The following PCDHGB7 variants were observed in gnomAD, a reference collection of about 807,000 sequenced individuals.
PCDHGB7 encodes the protein protocadherin gamma-B7.
PCDHGB7 carries 37 observed loss-of-function variants against 61.4 expected under a neutral mutation model. The observed-to-expected ratio is 0.60, with a 90% CI of 0.46 to 0.79. The LOEUF is 0.79. Ranked by LOEUF, PCDHGB7 falls within the 30% of genes least tolerant of loss-of-function variation. The pLI is 0.00. For synonymous variants in PCDHGB7, 464 were observed against 503.5 expected, an observed-to-expected ratio of 0.92 and a Z score of 1.05; for missense variants, 1,166 against 1,202.5, an observed-to-expected ratio of 0.97 and a Z score of 0.45.
chr5:141,451,165 A>G (rs2098709571), intron 1 of PCDHGB7, among the ~76,000 whole-genome samples: 1 of 152,116 alleles, frequency 6.6e-6, no homozygotes, highest in Admixed American at 6.6e-5. Context: ...TTTTGGTAGT[A>G]TATTATTTAG....
chr5:141,431,016 C>A lies in PCDHGB7; in HGVS notation c.2415+10742C>A, dbSNP rs755015257. 4 of 1,613,456 alleles carry A rather than the reference C, an allele frequency of 2.5e-6. No individual in the cohort carries two copies. Among genetic ancestry groups the A allele is most frequent in the East Asian group, 2.2e-5 (1 of 44,860 alleles). ...AATCCGCGCAGCGGCAGCTTGGTCA[C>A]GGCGGGCAGGATAGACCGGGAGGAG... is the stretch of plus-strand genomic sequence containing the variant. On this transcript the variant is annotated intron_variant, in intron 1 of 3. Coordinates refer to ENST00000398594, the MANE Select transcript of PCDHGB7 (RefSeq NM_018927.4). The surrounding 1 kb of genome is among the most constrained non-coding windows in gnomAD (Gnocchi z 4.8).
chr5:141,484,000 G>C (rs1425172275), intron 1 of PCDHGB7, among the ~76,000 whole-genome samples: 1 of 147,812 alleles, frequency 6.8e-6, no homozygotes, highest in Admixed American at 6.8e-5. Context: ...TGGGAGGTCT[G>C]GATGAGGGTG....
intron 1 of PCDHGB7, chr5:141,423,553 T>G: frequency 2.5e-6 from 4 of 1,613,548 alleles, no homozygotes; most frequent in Non-Finnish European, 3.4e-6. Flanking sequence ...CCAGCCCAAC[T>G]ATGGGGACAC....
intron 3 of PCDHGB7, among the ~76,000 whole-genome samples, chr5:141,509,622 T>C (rs2099877603): frequency 6.6e-6 from 1 of 152,186 alleles, no homozygotes; most frequent in Non-Finnish European, 1.5e-5. Flanking sequence ...AACAAGTTCC[T>C]GGGTGATGCT....
chr5:141,456,968 A>AAAACAAAC (rs202005606), intron 1 of PCDHGB7, among the ~76,000 whole-genome samples: 1 of 152,282 alleles, frequency 6.6e-6, no homozygotes, highest in Admixed American at 6.5e-5. Flanking sequence ...ATCTCAAAAC[A>AAAACAAAC]AAACAAACAA....
chr5:141,450,490 T>C (rs1480357834), intron 1 of PCDHGB7, among the ~76,000 whole-genome samples: 1 of 152,164 alleles, frequency 6.6e-6, no homozygotes, highest in Non-Finnish European at 1.5e-5. Context: ...TTTGTTTGTC[T>C]GTTTGTTTGT....
chr5:141,486,722 G>C lies in PCDHGB7; in HGVS notation c.2416-8085G>C, dbSNP rs1235454839. The C allele has an allele frequency of 6.2e-7, 1 of 1,614,200 alleles. No homozygotes were observed. Among genetic ancestry groups the C allele is most frequent in the East Asian group, 2.2e-5 (1 of 44,874 alleles). ...CTCTCTGAACCCCCAGACAGGAGCT[G>C]TTCATGCTACTCGATCCTTTGACTA... On this transcript the variant is annotated intron_variant, in intron 1 of 3. Transcript: ENST00000398594. This position sits in a 1 kb window ranked among gnomAD's most constrained non-coding sequence, Gnocchi z 5.0.
intron 1 of PCDHGB7, among the ~76,000 whole-genome samples, chr5:141,448,861 C>T (rs1017826063): frequency 2.0e-5 from 3 of 152,118 alleles, no homozygotes; most frequent in African/African-American, 7.2e-5. Flanking sequence ...AGGAGAATGG[C>T]GTGAACCTGG....
At position 141,489,125 on chromosome 5, in the gene PCDHGB7, G is replaced by T. The variant is rs537146985; in HGVS notation, c.2416-5682G>T. 1.1e-4 allele frequency: 77 copies of T among 728,124 alleles called. No individual in the cohort carries two copies. The East Asian group carries it at 1.9e-3, about 18-fold the overall frequency. 45.1% of individuals were successfully genotyped at this position (728,124 alleles called of 1,614,324 possible). A position where few individuals can be genotyped will look rare whatever the true frequency, so the allele number is the denominator to read the frequency against. ...CTGCAAGCAGGCAAACCTCCGAGCAGTTTTTAAGAGGCTGGAAGGAGACAT... is the reference window on the plus strand; with the variant it reads ...CTGCAAGCAGGCAAACCTCCGAGCATTTTTTAAGAGGCTGGAAGGAGACAT... On this transcript the variant is annotated intron_variant, in intron 1 of 3. Coordinates refer to ENST00000398594, the MANE Select transcript of PCDHGB7 (RefSeq NM_018927.4). The surrounding 1 kb of genome is among the most constrained non-coding windows in gnomAD (Gnocchi z 4.5).
rs753473913 is a variant in PCDHGB7 at position 141,503,323 on chromosome 5, G to A, written c.2475-2070G>A. On this transcript the variant is annotated intron_variant, in intron 2 of 3. Transcript: ENST00000398594. The stretch of plus-strand genomic sequence containing the variant: ...CTCAAGAAAGAATTGTTGGAGGGGC[G>A]CGGTGGCTCACGCCTGTAATTCCAG... Among the ~76,000 whole-genome samples the A allele has an allele frequency of 2.0e-5, 3 of 152,214 alleles. No individual in the cohort carries two copies. In the Middle Eastern group the frequency reaches 0.01, roughly 518 times the overall value.
chr5:141,500,189 TTTATTTATTTATTTATTTA>T (rs2099797567), intron 2 of PCDHGB7, among the ~76,000 whole-genome samples: 1 of 110,894 alleles, frequency 9.0e-6, no homozygotes, highest in Non-Finnish European at 1.8e-5. Flanking sequence ...TTTATTTTTA[TTTATTTATTTATTTATTTA>T]TTTATTTATT....
rs1367772661 is a variant in PCDHGB7, at chr5:141,512,193, GGAAGCTC to G, written c.*1026_*1032del. 2.0e-5 allele frequency: 3 copies of G among 152,756 alleles called. No homozygotes were observed. Among genetic ancestry groups the G allele is most frequent in the Non-Finnish European group, 4.4e-5 (3 of 68,136 alleles). 9.5% of individuals were successfully genotyped at this position (152,756 alleles called of 1,614,324 possible). ...GGATTAAACTGGCATTTCAGTCCAAGGAAGCTCGAAGCAGGTTTAGGACCAGGTCCCC... is the reference window on the plus strand; with the variant it reads ...GGATTAAACTGGCATTTCAGTCCAAGGAAGCAGGTTTAGGACCAGGTCCCC... On this transcript the variant is annotated 3_prime_UTR_variant, in exon 4 of 4. Coordinates refer to ENST00000398594, the MANE Select transcript of PCDHGB7 (RefSeq NM_018927.4).
chr5:141,426,364 G>C (rs918838005), intron 1 of PCDHGB7: 1 of 202,328 alleles, frequency 4.9e-6, no homozygotes, highest in Non-Finnish European at 1.0e-5. Flanking sequence ...TTTGTTCTGC[G>C]GGGCACCCTC....
chr5:141,506,742 A>G (rs1475692668), intron 3 of PCDHGB7, among the ~76,000 whole-genome samples: 5 of 152,172 alleles, frequency 3.3e-5, no homozygotes, highest in Non-Finnish European at 7.3e-5. Context: ...AATGCCTATT[A>G]ATAAAGACTA....
rs2096274061 is a variant in PCDHGB7, at chr5:141,418,597, G to A, written c.738G>A (p.Val246=). Residue 246 remains valine (V), a synonymous_variant, in exon 1 of 4, where the codon GTG becomes GTA. Transcript: ENST00000398594. ...NDNPPVFSQD[V]YRVSLREDVP... ...ACCCCCCAGTGTTCAGCCAGGACGTGTACAGGGTTAGCCTTCGGGAAGACG... is the reference window on the plus strand; with the variant it reads ...ACCCCCCAGTGTTCAGCCAGGACGTATACAGGGTTAGCCTTCGGGAAGACG... The A allele has an allele frequency of 3.7e-6, 6 of 1,614,052 alleles. No homozygotes were observed. The highest frequency in any genetic ancestry group is 5.1e-6 in the Non-Finnish European group (6 of 1,179,910).
chr5:141,485,666 A>G lies in PCDHGB7; in HGVS notation c.2416-9141A>G. ...GGCTCAGGATGCAGATGTGGGGAGC[A>G]ATTCGATTAGCAGCTATAGGCTGAG... On this transcript the variant is annotated intron_variant, in intron 1 of 3. Coordinates refer to ENST00000398594, the MANE Select transcript of PCDHGB7 (RefSeq NM_018927.4). The surrounding 1 kb of genome is among the most constrained non-coding windows in gnomAD (Gnocchi z 5.7). 1 of 1,612,786 alleles carries G rather than the reference A, an allele frequency of 6.2e-7. No homozygotes were observed. Among genetic ancestry groups the G allele is most frequent in the Non-Finnish European group, 8.5e-7 (1 of 1,178,960 alleles).
At chr5:141,474,965 A>G (rs1268347441) in intron 1 of PCDHGB7, among the ~76,000 whole-genome samples, 1 of 152,236 alleles carries the variant, frequency 6.6e-6, no homozygotes, top group Non-Finnish European at 1.5e-5. Context: ...TATCCTAATC[A>G]TTATAATTTT....
intron 1 of PCDHGB7, 106 bp downstream of exon 1, chr5:141,420,380 C>T (rs1343046478): frequency 7.7e-7 from 1 of 1,306,574 alleles, no homozygotes; most frequent in Non-Finnish European, 1.0e-6. Flanking sequence ...TCATAGAGTT[C>T]GCAAAATATA....
At chr5:141,429,657 A>G (rs1455808092) in intron 1 of PCDHGB7, among the ~76,000 whole-genome samples, 1 of 152,232 alleles carries the variant, frequency 6.6e-6, no homozygotes, top group African/African-American at 2.4e-5. Flanking sequence ...TTCCCAATTT[A>G]AAATATATTA....
Sources: gnomAD v4.1 joint callset for allele counts (sites outside exome capture counted in the v4.1 genomes callset) on GRCh38, gnomAD v4.1.1 for gene constraint, Gnocchi (gnomAD v3.1) non-coding constraint, MANE v1.5 for transcripts, NCBI Gene and HGNC (gene_info 2026-07-23, HGNC 2026-07-21) for gene names.